TRIM39: variants seen among roughly 807,000 people sequenced by gnomAD.
TRIM39 encodes tripartite motif containing 39, also known as E3 ubiquitin-protein ligase TRIM39.
Under a neutral mutation model 53.6 loss-of-function variants are expected in TRIM39, and 5 were observed. The observed-to-expected ratio is 0.09, with a 90% confidence interval of 0.05 to 0.20. The LOEUF (loss-of-function observed/expected upper bound fraction) is 0.20. Among genes scored for constraint, TRIM39 ranks in the 10% least tolerant of loss-of-function variants. The pLI is 1.00. For missense variants in TRIM39, 310 were observed against 621.0 expected (o/e 0.50, Z 5.32); for synonymous variants, 196 against 237.6 (o/e 0.82, Z 1.61).
At chr6:30,341,300 G>T in intron 7 of TRIM39, 2 of 469,584 alleles carry the variant, frequency 4.3e-6, no homozygotes, top group Admixed American at 5.2e-5. Flanking sequence ...CCAGTTCCTG[G>T]AAAACACACA....
Position 30,335,841 on chromosome 6 carries a change from G to C in TRIM39, c.646G>C (p.Glu216Gln). 1.2e-6 allele frequency: 2 copies of C among 1,613,026 alleles called. No individual in the cohort carries two copies. Among genetic ancestry groups the C allele is most frequent in the Non-Finnish European group, 1.7e-6 (2 of 1,180,014 alleles). ...GCAGCAGGTGTTGCTTTCACGACTG[G>C]AAGAAGAGGAACAGGACATTCTGCA... The change falls in exon 5 of 8, where the codon GAA becomes CAA. Residue 216 changes from glutamate (E) to glutamine (Q), a missense_variant. By Grantham distance (29) the Glu-to-Gln change is conservative. Coordinates refer to ENST00000396551, the Ensembl canonical transcript of TRIM39. The surrounding 1 kb of genome is among the most constrained non-coding windows in gnomAD (Gnocchi z 4.7).
chr6:30,339,848 T>C lies in TRIM39; in HGVS notation c.781-60T>C. The stretch of plus-strand genomic sequence containing the variant: ...AACTTTGGGGAGGAGGGGGAACCTT[T>C]TGCCTTCAGGACCACTGAATACCAG... On this transcript the variant is annotated intron_variant, in intron 5 of 7. Coordinates refer to ENST00000396551, the Ensembl canonical transcript of TRIM39. The surrounding 1 kb of genome is among the most constrained non-coding windows in gnomAD (Gnocchi z 4.2). 1 of 1,611,770 alleles carries C rather than the reference T, an allele frequency of 6.2e-7. No individual in the cohort carries two copies.
chr6:30,342,845 G>C lies in TRIM39; in HGVS notation c.*586G>C, dbSNP rs1787701769. On this transcript the variant is annotated 3_prime_UTR_variant, in exon 8 of 8. Coordinates refer to ENST00000396551, the Ensembl canonical transcript of TRIM39. This position sits in a 1 kb window ranked among gnomAD's most constrained non-coding sequence, Gnocchi z 4.7. ...GAACAGATTCCTAGAGATTAATGAA[G>C]AGGAGGGAGGTTTCTTTGGTCTTCT... is the stretch of plus-strand genomic sequence containing the variant. The C allele has an allele frequency of 6.5e-6, 1 of 152,910 alleles. No individual in the cohort carries two copies. The highest frequency in any genetic ancestry group is 1.5e-5 in the Non-Finnish European group (1 of 68,584). 9.5% of individuals were successfully genotyped at this position (152,910 alleles called of 1,614,324 possible).
Position 30,335,295 on chromosome 6 carries a change from TTCTTTCTGTCTTTG to T in TRIM39, c.550-436_550-423del, listed in dbSNP as rs1241418244. Among the ~76,000 whole-genome samples, 2 of 152,156 alleles carry T rather than the reference TTCTTTCTGTCTTTG, an allele frequency of 1.3e-5. No homozygotes were observed. The highest frequency in any genetic ancestry group is 2.9e-5 in the Non-Finnish European group (2 of 68,026). ...TTTTCTCTCATTTTCTTTCTTTCTTTTCTTTCTGTCTTTGTCTTTCTGTCTTTCTTTCCTGTCTG... is the reference window on the plus strand; with the variant it reads ...TTTTCTCTCATTTTCTTTCTTTCTTTTCTTTCTGTCTTTCTTTCCTGTCTG... On this transcript the variant is annotated intron_variant, in intron 4 of 7. Coordinates refer to ENST00000396551, the Ensembl canonical transcript of TRIM39. The surrounding 1 kb of genome is among the most constrained non-coding windows in gnomAD (Gnocchi z 4.7).
chr6:30,327,204 G>C (rs1391424817), intron 1 of TRIM39: 2 of 152,662 alleles, frequency 1.3e-5, no homozygotes, highest in Non-Finnish European at 2.9e-5. Flanking sequence ...CCGTTCCCCC[G>C]TCCCGCTGCT....
intron 7 of TRIM39, 147 bp downstream of exon 7, chr6:30,340,767 C>T (rs1395493036): frequency 6.0e-6 from 5 of 831,530 alleles, no homozygotes; most frequent in African/African-American, 1.7e-5. Flanking sequence ...TTAGTCTCAC[C>T]CTGAGTCACA....
At position 30,339,779 on chromosome 6, in the gene TRIM39, CT is replaced by C; in HGVS notation, c.781-128del. ...AGGTCCCGCTGGAGCTCTTCTTGCA[CT>C]GTGTGACCCTCAGTTTATCCTATCC... is the stretch of plus-strand genomic sequence containing the variant. On this transcript the variant is annotated intron_variant, in intron 5 of 7. Transcript: ENST00000396551. This position sits in a 1 kb window ranked among gnomAD's most constrained non-coding sequence, Gnocchi z 4.2. 2 of 1,301,546 alleles carry C rather than the reference CT, an allele frequency of 1.5e-6. No individual in the cohort carries two copies. The highest frequency in any genetic ancestry group is 2.2e-6 in the Non-Finnish European group (2 of 917,770). 80.6% of individuals were successfully genotyped at this position (1,301,546 alleles called of 1,614,324 possible).
At chr6:30,340,421 A>T (rs747611490) in intron 6 of TRIM39, 84 bp from the exon 7 acceptor site, 2 of 1,610,146 alleles carry the variant, frequency 1.2e-6, no homozygotes, top group Non-Finnish European at 8.5e-7. Flanking sequence ...TTTCTCCCTA[A>T]AAATGTTAAC....
chr6:30,326,470 G>A (rs1274208369), exon 1 of TRIM39: 1 of 152,516 alleles, frequency 6.6e-6, no homozygotes, highest in Non-Finnish European at 1.5e-5. Context: ...CCTCTCCCCA[G>A]ACTGGCCCGA....
chr6:30,337,099 C>T lies in TRIM39; in HGVS notation c.780+1124C>T, dbSNP rs571183159. ...ATCTTTTTTTCTGAGCAGTAGGTCT[C>T]AACTTAAAATTTTCAGTAAAGGGTT... On this transcript the variant is annotated intron_variant, in intron 5 of 7. Transcript: ENST00000396551. Among the ~76,000 whole-genome samples the T allele has an allele frequency of 1.5e-4, 23 of 152,152 alleles. No individual in the cohort carries two copies. In the South Asian group the frequency reaches 4.6e-3, roughly 30 times the overall value.
At position 30,339,414 on chromosome 6, in the gene TRIM39, G is replaced by A. The variant is rs992695104; in HGVS notation, c.781-494G>A. The stretch of plus-strand genomic sequence containing the variant: ...TCCACCCGTCTTGGCCTCCCAAAGC[G>A]CTCAGATTACAGGCGTGAGCTACTG... On this transcript the variant is annotated intron_variant, in intron 5 of 7. Coordinates refer to ENST00000396551, the Ensembl canonical transcript of TRIM39. The surrounding 1 kb of genome is among the most constrained non-coding windows in gnomAD (Gnocchi z 4.2). Among the ~76,000 whole-genome samples the A allele has an allele frequency of 2.6e-5, 4 of 152,126 alleles. No individual in the cohort carries two copies. The highest frequency in any genetic ancestry group is 5.9e-5 in the Non-Finnish European group (4 of 68,022).
rs758418811 is a variant in TRIM39 at position 30,340,500 on chromosome 6, C to G, written c.804-5C>G. On this transcript the variant is annotated splice_region_variant and splice_polypyrimidine_tract_variant and intron_variant, in intron 6 of 7. Transcript: ENST00000396551. The stretch of plus-strand genomic sequence containing the variant: ...TTTCTTCCCCTATCTCCCTATCCCT[C>G]CTAGATGTGAAAAGGTGAAGACCAT... 1 of 1,613,016 alleles carries G rather than the reference C, an allele frequency of 6.2e-7. No individual in the cohort carries two copies. The highest frequency in any genetic ancestry group is 8.5e-7 in the Non-Finnish European group (1 of 1,179,998).
Position 30,335,637 on chromosome 6 carries a change from T to C in TRIM39, c.550-108T>C. 7.1e-7 allele frequency: 1 copy of C among 1,407,992 alleles called. No individual in the cohort carries two copies. 87.2% of individuals were successfully genotyped at this position (1,407,992 alleles called of 1,614,324 possible). On this transcript the variant is annotated intron_variant, in intron 4 of 7. Transcript: ENST00000396551. This position sits in a 1 kb window ranked among gnomAD's most constrained non-coding sequence, Gnocchi z 4.7. ...CACACCCAGCCTTTGTTAAACCATT[T>C]TCAATGAAACTGGAAGTCTGTGTTA...
exon 1 of TRIM39, chr6:30,326,975 C>T (rs1026617570): frequency 6.6e-6 from 1 of 152,188 alleles, no homozygotes; most frequent in African/African-American, 2.4e-5. Flanking sequence ...GCCCCGCACT[C>T]CCGGACCCGA....
Position 30,338,607 on chromosome 6 carries a change from T to A in TRIM39, c.781-1301T>A, listed in dbSNP as rs1371870210. Among the ~76,000 whole-genome samples the A allele has an allele frequency of 6.7e-6, 1 of 149,866 alleles. No individual in the cohort carries two copies. Among genetic ancestry groups the A allele is most frequent in the Non-Finnish European group, 1.5e-5 (1 of 67,706 alleles). ...CACTGATCACAGATCATACTAGATA[T>A]AATAATGAAAAAGTGTGAAATATTG... On this transcript the variant is annotated intron_variant, in intron 5 of 7. Transcript: ENST00000396551. The surrounding 1 kb of genome is among the most constrained non-coding windows in gnomAD (Gnocchi z 4.0).
chr6:30,331,667 A>G (rs1562406545), intron 4 of TRIM39, among the ~76,000 whole-genome samples: 1 of 152,248 alleles, frequency 6.6e-6, no homozygotes, highest in African/African-American at 2.4e-5. Context: ...TACATATGCT[A>G]GAATGTTCTC....
At chr6:30,329,347 G>A (rs1785844019) in exon 3 of TRIM39, 2 of 1,612,878 alleles carry the variant, frequency 1.2e-6, no homozygotes, top group Admixed American at 3.3e-5. Context: ...TAGAGGCTGG[G>A]GCCTCTGCAG....
At chr6:30,328,479 AAG>A (rs1785690705) in intron 1 of TRIM39, among the ~76,000 whole-genome samples, 4 of 152,236 alleles carry the variant, frequency 2.6e-5, no homozygotes, top group African/African-American at 9.6e-5. Flanking sequence ...TTTTCCTGAA[AAG>A]AGGAGGTTGC....
chr6:30,327,285 C>T (rs1785473549), intron 1 of TRIM39: 1 of 152,750 alleles, frequency 6.5e-6, no homozygotes, highest in African/African-American at 2.4e-5. Context: ...GCGGGCATCC[C>T]ATCTGCACGT....
Sources: gnomAD v4.1 joint callset for allele counts (sites outside exome capture counted in the v4.1 genomes callset) on GRCh38, gnomAD v4.1.1 for gene constraint, Gnocchi (gnomAD v3.1) non-coding constraint, MANE v1.5 for transcripts, NCBI Gene and HGNC (gene_info 2026-07-23, HGNC 2026-07-21) for gene names.